The following PTGER4 variants were observed in gnomAD, a reference collection of about 807,000 sequenced individuals.
PTGER4 encodes prostaglandin E receptor 4.
A neutral mutation model predicts 33.2 loss-of-function variants in PTGER4; 11 were observed. The observed-to-expected ratio is 0.33, with a 90% confidence interval of 0.21 to 0.55. PTGER4 has a LOEUF of 0.55. PTGER4 is among the 20% of genes least tolerant of loss of function. The pLI, the probability that PTGER4 is intolerant of heterozygous loss-of-function variation, is 0.92. For synonymous variants in PTGER4, 275 were observed against 281.5 expected (o/e 0.98, Z 0.23); for missense variants, 481 against 650.2 (o/e 0.74, Z 2.83).
chr5:40,715,064 T>C, the PTGER4 span: 1 of 152,132 alleles, frequency 6.6e-6, no homozygotes, highest in Non-Finnish European at 1.5e-5. Flanking sequence ...GAGATTGTAC[T>C]ATAAATCACA....
chr5:40,721,793 G>T, the PTGER4 span, among the ~76,000 whole-genome samples: 1 of 152,040 alleles, frequency 6.6e-6, no homozygotes, highest in Admixed American at 6.5e-5. Context: ...TCAAAAATAG[G>T]CAAGTGAGAT....
the PTGER4 span, among the ~76,000 whole-genome samples, chr5:40,730,523 A>G: frequency 5.9e-5 from 9 of 152,148 alleles, no homozygotes; most frequent in Non-Finnish European, 1.3e-4. Flanking sequence ...TGCAACCACC[A>G]CCACCATTCA....
rs769040654 is a variant in PTGER4, at chr5:40,691,916, A to G, written c.1005A>G (p.Thr335=). Residue 335 remains threonine, a synonymous_variant, in exon 3 of 3, where the codon ACA becomes ACG. Transcript: ENST00000302472. This position sits in a 1 kb window ranked among gnomAD's most constrained non-coding sequence, Gnocchi z 4.2. ...DPWIYILLRK[T]VLSKAIEKIK... ...GGATATATATCCTCCTGAGAAAGACAGTGCTCAGTAAAGCAATAGAGAAGA... is the reference window on the plus strand; with the variant it reads ...GGATATATATCCTCCTGAGAAAGACGGTGCTCAGTAAAGCAATAGAGAAGA... 6.2e-7 allele frequency: 1 copy of G among 1,614,268 alleles called. No individual in the cohort carries two copies. Among genetic ancestry groups the G allele is most frequent in the East Asian group, 2.2e-5 (1 of 44,884 alleles).
intron 2 of PTGER4, among the ~76,000 whole-genome samples, chr5:40,686,307 T>C (rs554248475): frequency 6.6e-6 from 1 of 152,368 alleles, no homozygotes; most frequent in African/African-American, 2.4e-5. Context: ...GAGTTCAACA[T>C]TCTTTCTTCA....
At chr5:40,738,567 T>A in the PTGER4 span, among the ~76,000 whole-genome samples, 753 of 66,848 alleles carry the variant, frequency 0.011, 35 homozygotes, top group African/African-American at 0.023. Flanking sequence ...TAAAATAAAA[T>A]ATAAAATAAA....
chr5:40,697,226 AAAAG>A (rs70988803), downstream of PTGER4, among the ~76,000 whole-genome samples: 6,403 of 112,204 alleles, frequency 0.057, 212 homozygotes, highest in Middle Eastern at 0.092. Context: ...AAGAAAGAAG[AAAAG>A]AAAGAAAGAA....
At position 40,692,334 on chromosome 5, in the gene PTGER4, A is replaced by G. The variant is rs750991000; in HGVS notation, c.1423A>G (p.Thr475Ala). 6.2e-7 allele frequency: 1 copy of G among 1,608,028 alleles called. No individual in the cohort carries two copies. Among genetic ancestry groups the G allele is most frequent in the South Asian group, 1.1e-5 (1 of 90,560 alleles). ...CCCTAAGGGGAGCTCCCTGCAAGTC[A>G]CATTTCCCAGTGAAACACTGAACTT... ...PAPKGSSLQV[T>A]FPSETLNLSE... The change falls in exon 3 of 3, where the codon ACA (threonine) becomes GCA (alanine). Residue 475 changes from threonine to alanine, a missense_variant. This residue lies in a region of PTGER4 where 172 missense variants were observed against 199.2 expected (regional missense o/e 0.86). Coordinates refer to ENST00000302472, the MANE Select transcript of PTGER4 (RefSeq NM_000958.3).
At chr5:40,709,465 C>T in the PTGER4 span, among the ~76,000 whole-genome samples, 1 of 152,274 alleles carries the variant, frequency 6.6e-6, no homozygotes, top group African/African-American at 2.4e-5. Context: ...ACCTAGGAAT[C>T]TAACTTACAA....
chr5:40,683,874 T>C lies in PTGER4; in HGVS notation c.867+2014T>C, dbSNP rs1741257099. 6.6e-6 allele frequency among the ~76,000 whole-genome samples: 1 copy of C among 152,198 alleles called. No individual in the cohort carries two copies. The highest frequency in any genetic ancestry group is 1.5e-5 in the Non-Finnish European group (1 of 68,030). On this transcript the variant is annotated intron_variant, in intron 2 of 2. Coordinates refer to ENST00000302472, the MANE Select transcript of PTGER4 (RefSeq NM_000958.3). The surrounding 1 kb of genome is among the most constrained non-coding windows in gnomAD (Gnocchi z 4.2). Reference sequence around the variant, plus strand: ...TAACCACATTTTAACTAACAAGAAATACTGTCCACCTGTATAATGTTAGTA... The same window carrying C: ...TAACCACATTTTAACTAACAAGAAACACTGTCCACCTGTATAATGTTAGTA...
At position 40,680,950 on chromosome 5, in the gene PTGER4, G is replaced by A; in HGVS notation, c.-43-1G>A. ...CTTTGTCTCTCTTCTACCATCCCCA[G>A]ACCCAGCCTTGCACTCCAAGGCTGC... On this transcript the variant is annotated splice_acceptor_variant, in intron 1 of 2. Coordinates refer to ENST00000302472, the MANE Select transcript of PTGER4 (RefSeq NM_000958.3). LOFTEE classifies it low-confidence loss of function (5UTR_SPLICE). The surrounding 1 kb of genome is among the most constrained non-coding windows in gnomAD (Gnocchi z 5.5). The A allele has an allele frequency of 6.4e-7, 1 of 1,563,422 alleles. No homozygotes were observed. Among genetic ancestry groups the A allele is most frequent in the Non-Finnish European group, 8.7e-7 (1 of 1,154,366 alleles).
chr5:40,685,469 A>G, intron 2 of PTGER4: 2 of 985,292 alleles, frequency 2.0e-6, no homozygotes, highest in African/African-American at 1.7e-5. Flanking sequence ...TACAAGAGAA[A>G]TGCCACAAAT....
the PTGER4 span, among the ~76,000 whole-genome samples, chr5:40,718,595 C>T: frequency 6.6e-6 from 1 of 151,920 alleles, no homozygotes; most frequent in Non-Finnish European, 1.5e-5. Flanking sequence ...CAAAAATTAG[C>T]TGGGCATGGT....
chr5:40,681,174 C>T lies in PTGER4; in HGVS notation c.181C>T (p.Leu61=). 1 of 1,614,204 alleles carries T rather than the reference C, an allele frequency of 6.2e-7. No individual in the cohort carries two copies. The highest frequency in any genetic ancestry group is 8.5e-7 in the Non-Finnish European group (1 of 1,180,042). The change falls in exon 2 of 3, where the codon CTG becomes TTG. Residue 61 remains leucine (L), a synonymous_variant. Transcript: ENST00000302472. The surrounding 1 kb of genome is among the most constrained non-coding windows in gnomAD (Gnocchi z 9.8). ...GACCTTCTACACGCTGGTATGTGGGCTGGCTGTCACCGACCTGTTGGGCAC... is the reference window on the plus strand; with the variant it reads ...GACCTTCTACACGCTGGTATGTGGGTTGGCTGTCACCGACCTGTTGGGCAC... The part of the protein sequence containing the change: ...ETTFYTLVCG[L]AVTDLLGTLL...
chr5:40,743,972 T>A, the PTGER4 span, among the ~76,000 whole-genome samples: 1,444 of 152,358 alleles, frequency 9.5e-3, 25 homozygotes, highest in African/African-American at 0.033. Flanking sequence ...TTGTCTACAA[T>A]GCTGATATCT....
the PTGER4 span, among the ~76,000 whole-genome samples, chr5:40,737,977 T>G: frequency 2.6e-5 from 4 of 152,252 alleles, no homozygotes; most frequent in African/African-American, 9.6e-5. Context: ...ATTTAGGTTG[T>G]CCCAGTTCAT....
At chr5:40,695,900 G>A (rs1469161241), downstream of PTGER4, among the ~76,000 whole-genome samples, 1 of 152,150 alleles carries the variant, frequency 6.6e-6, no homozygotes, top group African/African-American at 2.4e-5. Context: ...TCATAAAGAT[G>A]GAACTGATGC....
At chr5:40,704,792 G>T in the PTGER4 span, among the ~76,000 whole-genome samples, 1 of 152,076 alleles carries the variant, frequency 6.6e-6, no homozygotes, top group African/African-American at 2.4e-5. Context: ...TCTACAATGA[G>T]AATTACAAAA....
the PTGER4 span, among the ~76,000 whole-genome samples, chr5:40,704,047 C>A: frequency 6.6e-6 from 1 of 151,276 alleles, no homozygotes; most frequent in Non-Finnish European, 1.5e-5. Flanking sequence ...AAACTTCAGG[C>A]CAATCAATAT....
rs1741156110 is a variant in PTGER4 at position 40,680,492 on chromosome 5, G to A, written c.-44+14G>A. On this transcript the variant is annotated intron_variant, in intron 1 of 2. Coordinates refer to ENST00000302472, the MANE Select transcript of PTGER4 (RefSeq NM_000958.3). The surrounding 1 kb of genome is among the most constrained non-coding windows in gnomAD (Gnocchi z 5.5). ...CTGCCGCTACAGGTGAGATGGCGTT[G>A]GGCTGACGTTGGGGTCAACGGGTAG... 6.3e-6 allele frequency: 1 copy of A among 157,902 alleles called. No individual in the cohort carries two copies. Among genetic ancestry groups the A allele is most frequent in the Non-Finnish European group, 1.4e-5 (1 of 71,242 alleles). 9.8% of individuals were successfully genotyped at this position (157,902 alleles called of 1,614,324 possible).
Sources: allele counts gnomAD v4.1 joint callset (sites outside exome capture counted in the v4.1 genomes callset), GRCh38; gene constraint gnomAD v4.1.1; regional missense constraint gnomAD v4.1.1; non-coding constraint Gnocchi (gnomAD v3.1); transcripts MANE v1.5; gene names NCBI Gene and HGNC (gene_info 2026-07-23, HGNC 2026-07-21).